The following CBR4 variants were observed in gnomAD, a reference collection of about 807,000 sequenced individuals.
CBR4 encodes the protein carbonyl reductase 4.
Under a neutral mutation model 21.0 loss-of-function variants are expected in CBR4, and 22 were observed. The ratio of observed to expected loss-of-function variants is 1.05; its 90% confidence interval spans 0.75 to 1.50. The LOEUF is 1.50. Among genes scored for constraint, CBR4 ranks in the 40% most tolerant of loss-of-function variants. CBR4 has a pLI of 0.00. For synonymous variants in CBR4, 100 were observed against 104.4 expected (o/e 0.96, Z 0.26); for missense variants, 302 against 286.3 (o/e 1.05, Z -0.40).
At chr4:168,930,159 C>T (rs1166186392) in intron 2 of CBR4, among the ~76,000 whole-genome samples, 1 of 152,020 alleles carries the variant, frequency 6.6e-6, no homozygotes, top group Non-Finnish European at 1.5e-5. Context: ...AATTTATAGG[C>T]ATTTGTATTA....
At chr4:168,928,359 C>A (rs905506911) in intron 2 of CBR4, 9 of 182,460 alleles carry the variant, frequency 4.9e-5, no homozygotes, top group Admixed American at 1.3e-4. Flanking sequence ...AATCATACTA[C>A]TTTGGATTGT....
chr4:168,927,888 T>C (rs866570311), intron 2 of CBR4: 50 of 206,572 alleles, frequency 2.4e-4, no homozygotes, highest in African/African-American at 1.1e-3. Context: ...AAACACTGTA[T>C]TCCTTATGCA....
At chr4:168,935,616 T>TC (rs1763089852) in intron 2 of CBR4, among the ~76,000 whole-genome samples, 1 of 152,022 alleles carries the variant, frequency 6.6e-6, no homozygotes, top group African/African-American at 2.4e-5. Flanking sequence ...TAGGCAGTTA[T>TC]CCCCTCACGG....
At chr4:168,978,570 C>G (rs76002967) in intron 2 of CBR4, among the ~76,000 whole-genome samples, 4,713 of 152,302 alleles carry the variant, frequency 0.031, 108 homozygotes, top group Non-Finnish European at 0.046. Context: ...AACCATGTTT[C>G]TGCCATGAAC....
rs554165767 is a variant in CBR4 at position 168,973,203 on chromosome 4, T to C, written n.169+28868A>G. ...ATTTTGTTGTGGAGTTTTGCATCTATGTTTATTGGGGATATTGATATGTAG... is the reference window on the plus strand; with the variant it reads ...ATTTTGTTGTGGAGTTTTGCATCTACGTTTATTGGGGATATTGATATGTAG... On this transcript the variant is annotated intron_variant and non_coding_transcript_variant, in intron 2 of 3. Transcript: ENST00000509108. Among the ~76,000 whole-genome samples, 18 of 152,352 alleles carry C rather than the reference T, an allele frequency of 1.2e-4. No individual in the cohort carries two copies. In the East Asian group the frequency reaches 2.9e-3, roughly 24 times the overall value.
chr4:168,953,265 T>TTC (rs1763594610), intron 2 of CBR4, among the ~76,000 whole-genome samples: 1 of 150,988 alleles, frequency 6.6e-6, no homozygotes, highest in Non-Finnish European at 1.5e-5. Flanking sequence ...ACTCCCACCG[T>TTC]GCCCCCCCGC....
At chr4:168,927,944 A>G (rs911032594) in intron 2 of CBR4, 2 of 199,676 alleles carry the variant, frequency 1.0e-5, no homozygotes, top group Admixed American at 1.2e-4. Context: ...CTCTTAGCTC[A>G]GTTACTCAAT....
chr4:168,922,102 T>TACACAC lies in CBR4; in HGVS notation n.170-27343_170-27338dup, dbSNP rs35503011. Among the ~76,000 whole-genome samples, 289 of 132,622 alleles carry TACACAC rather than the reference T, an allele frequency of 2.2e-3. 1 individual carries two copies. Among genetic ancestry groups the TACACAC allele is most frequent in the Non-Finnish European group, 3.2e-3 (206 of 63,750 alleles). The allele number at this position is 132,622 out of a possible 152,430, so 87.0% of individuals were successfully genotyped here. A position where few individuals can be genotyped will look rare whatever the true frequency, so the allele number is the denominator to read the frequency against. On this transcript the variant is annotated intron_variant and non_coding_transcript_variant, in intron 2 of 3. Transcript: ENST00000509108. Reference sequence around the variant, plus strand: ...TTTTATATTTATATATATATATATATACACACACACACACACACACACACA... The same window carrying TACACAC: ...TTTTATATTTATATATATATATATATACACACACACACACACACACACACACACACA...
chr4:168,913,535 G>A (rs1456206300), intron 2 of CBR4, among the ~76,000 whole-genome samples: 1 of 152,040 alleles, frequency 6.6e-6, no homozygotes, highest in African/African-American at 2.4e-5. Flanking sequence ...GGCTACAGCT[G>A]GTAGATGACC....
At chr4:168,911,831 CAG>C (rs1759025919) in intron 2 of CBR4, among the ~76,000 whole-genome samples, 1 of 152,166 alleles carries the variant, frequency 6.6e-6, no homozygotes, top group Non-Finnish European at 1.5e-5. Flanking sequence ...TCAGGAAACA[CAG>C]TGTTTTAACT....
chr4:168,913,117 G>C (rs1378201120), intron 2 of CBR4, among the ~76,000 whole-genome samples: 1 of 148,376 alleles, frequency 6.7e-6, no homozygotes, highest in South Asian at 2.2e-4. Context: ...TGTATGGTTT[G>C]GGGAAGGGAT....
chr4:168,905,189 C>T (rs545226046), intron 2 of CBR4, among the ~76,000 whole-genome samples: 9 of 109,064 alleles, frequency 8.3e-5, no homozygotes, highest in East Asian at 3.3e-4. Flanking sequence ...CTCACTCTGT[C>T]GCCCAGGCTG....
intron 2 of CBR4, among the ~76,000 whole-genome samples, chr4:168,895,577 T>C (rs968298705): frequency 3.9e-5 from 6 of 152,186 alleles, no homozygotes; most frequent in Admixed American, 2.0e-4. Flanking sequence ...TCTTAAGGAA[T>C]AGAAGATACA....
At chr4:168,936,952 G>A (rs1218984000) in intron 2 of CBR4, among the ~76,000 whole-genome samples, 2 of 152,094 alleles carry the variant, frequency 1.3e-5, no homozygotes, top group African/African-American at 2.4e-5. Context: ...GATACTCCTC[G>A]AGAAGAGCAA....
intron 2 of CBR4, chr4:168,904,079 A>G (rs1757115111): frequency 3.1e-6 from 2 of 649,266 alleles, no homozygotes; most frequent in African/African-American, 1.8e-5. Context: ...TCTTTGTTTC[A>G]TGAATACTTA....
At chr4:168,954,208 T>C (rs1763623037) in intron 2 of CBR4, among the ~76,000 whole-genome samples, 1 of 152,202 alleles carries the variant, frequency 6.6e-6, no homozygotes, top group Non-Finnish European at 1.5e-5. Context: ...AAATACATTT[T>C]ATTTAAAACT....
At chr4:168,924,872 TA>T in intron 2 of CBR4, 2 of 1,471,576 alleles carry the variant, frequency 1.4e-6, no homozygotes, top group Non-Finnish European at 1.9e-6. Flanking sequence ...ATGATCTAAT[TA>T]AAAATGATGC....
chr4:168,995,403 CT>C (rs775468996), intron 4 of CBR4, among the ~76,000 whole-genome samples: 134 of 152,190 alleles, frequency 8.8e-4, no homozygotes, highest in Admixed American at 2.7e-3. Context: ...AAAAGCAGAT[CT>C]AGAATAAGGC....
At position 168,921,729 on chromosome 4, in the gene CBR4, C is replaced by T. The variant is rs1761546367; in HGVS notation, n.170-26964G>A. On this transcript the variant is annotated intron_variant and non_coding_transcript_variant, in intron 2 of 3. Coordinates refer to the CBR4 transcript ENST00000509108. The stretch of plus-strand genomic sequence containing the variant: ...AGGACAGAACTCATTCAGCCTGGAG[C>T]TTGTGGTTGCTGGTAGGCTCATCTG... 8 of 1,611,174 alleles carry T rather than the reference C, an allele frequency of 5.0e-6. No individual in the cohort carries two copies. Among genetic ancestry groups the T allele is most frequent in the Non-Finnish European group, 6.8e-6 (8 of 1,179,386 alleles).
Sources: gnomAD v4.1 joint callset for allele counts (sites outside exome capture counted in the v4.1 genomes callset) on GRCh38, gnomAD v4.1.1 for gene constraint, MANE v1.5 for transcripts, NCBI Gene and HGNC (gene_info 2026-07-23, HGNC 2026-07-21) for gene names.